The following ZNF415 variants were observed in gnomAD, a reference collection of about 807,000 sequenced individuals.
The protein encoded by ZNF415 is zinc finger protein 415.
ZNF415 carries 5 observed loss-of-function variants against 7.3 expected under a neutral mutation model. The ratio of observed to expected loss-of-function variants is 0.69; its 90% CI spans 0.36 to 1.44. ZNF415 has a LOEUF of 1.44. Ranked by LOEUF, ZNF415 falls within the 40% of genes most tolerant of loss-of-function variation. The pLI is 0.04. For synonymous variants in ZNF415, 207 were observed against 226.3 expected (o/e 0.91, Z 0.77); for missense variants, 628 against 664.8 (o/e 0.94, Z 0.61).
chr19:53,125,650 A>T (rs894133476), intron 1 of ZNF415, among the ~76,000 whole-genome samples: 2 of 151,846 alleles, frequency 1.3e-5, no homozygotes, highest in African/African-American at 4.8e-5. Context: ...CTATCATTTT[A>T]AAAATAAACT....
intron 1 of ZNF415, among the ~76,000 whole-genome samples, chr19:53,131,987 C>A (rs951157289): frequency 1.3e-5 from 2 of 152,084 alleles, no homozygotes; most frequent in Admixed American, 6.6e-5. Context: ...TCTGCTCTCC[C>A]CCACTCTCTG....
chr19:53,127,472 G>C (rs1474299950), intron 1 of ZNF415, among the ~76,000 whole-genome samples: 2 of 152,140 alleles, frequency 1.3e-5, no homozygotes, highest in Non-Finnish European at 2.9e-5. Context: ...TACCACCAAA[G>C]CCTACCAATA....
chr19:53,128,570 C>G, intron 1 of ZNF415, among the ~76,000 whole-genome samples: 1 of 110,886 alleles, frequency 9.0e-6, no homozygotes, highest in Non-Finnish European at 2.0e-5. Flanking sequence ...GGCAAAGCCC[C>G]TGCCCAGGAT....
At chr19:53,111,331 A>G (rs1000801155) in intron 3 of ZNF415, among the ~76,000 whole-genome samples, 1 of 139,230 alleles carries the variant, frequency 7.2e-6, no homozygotes, top group African/African-American at 2.6e-5. Flanking sequence ...CTCCTAGCCT[A>G]TGATATTTCT....
intron 1 of ZNF415, among the ~76,000 whole-genome samples, chr19:53,128,136 A>T (rs2089508021): frequency 6.6e-6 from 1 of 151,282 alleles, no homozygotes; most frequent in Non-Finnish European, 1.5e-5. Context: ...ACTTTCCCTC[A>T]TTTTTCTACT....
At chr19:53,120,510 G>A (rs1464359065) in intron 2 of ZNF415, among the ~76,000 whole-genome samples, 3 of 152,046 alleles carry the variant, frequency 2.0e-5, no homozygotes, top group African/African-American at 7.2e-5. Context: ...GAGGGTGTAA[G>A]GCTTGACAGG....
intron 1 of ZNF415, among the ~76,000 whole-genome samples, chr19:53,125,490 A>T (rs528047687): frequency 6.6e-5 from 10 of 151,924 alleles, no homozygotes; most frequent in South Asian, 4.1e-4. Context: ...GGCACGAGCC[A>T]CCACATCTGG....
chr19:53,116,048 C>G, intron 3 of ZNF415: 1 of 614,206 alleles, frequency 1.6e-6, no homozygotes, highest in Non-Finnish European at 2.8e-6. Flanking sequence ...GGGCAGAAAA[C>G]AAGAAGTGAG....
At position 53,108,479 on chromosome 19, in the gene ZNF415, T is replaced by C; in HGVS notation, c.1566A>G (p.Lys522=). 6.2e-7 allele frequency: 1 copy of C among 1,614,194 alleles called. No individual in the cohort carries two copies. Residue 522 remains lysine, a synonymous_variant, in exon 4 of 4, where the codon AAA becomes AAG. Coordinates refer to ENST00000243643, the MANE Select transcript of ZNF415 (RefSeq NM_018355.4). ...TCCCACAATCACTACATTTGTAAGGTTTCTTTCCAGTATGGATTATCTGAT... is the reference window on the plus strand; with the variant it reads ...TCCCACAATCACTACATTTGTAAGGCTTCTTTCCAGTATGGATTATCTGAT... ...TRHQIIHTGK[K]PYKCSDCGKS...
At chr19:53,125,386 G>A (rs1457534458) in intron 1 of ZNF415, among the ~76,000 whole-genome samples, 1 of 151,174 alleles carries the variant, frequency 6.6e-6, no homozygotes, top group Non-Finnish European at 1.5e-5. Context: ...CCAGGCTAGA[G>A]TGCAGTGATG....
chr19:53,108,345 G>A lies in ZNF415; in HGVS notation c.*32C>T. On this transcript the variant is annotated 3_prime_UTR_variant, in exon 4 of 4. Coordinates refer to ENST00000243643, the MANE Select transcript of ZNF415 (RefSeq NM_018355.4). ...GATATAAATTCTTTGATGACTCACA[G>A]GATTTAAACTTTGACTGAAGACCTT... The A allele has an allele frequency of 6.4e-7, 1 of 1,556,174 alleles. No individual in the cohort carries two copies. The highest frequency in any genetic ancestry group is 8.7e-7 in the Non-Finnish European group (1 of 1,154,024).
chr19:53,109,593 T>G lies in ZNF415; in HGVS notation c.452A>C (p.Gln151Pro). The change falls in exon 4 of 4, where the codon CAG becomes CCG. Residue 151 changes from glutamine to proline, a missense_variant. Transcript: ENST00000243643. ...AATTTTCCCTTCAGCTTGAAACTGC[T>G]GCAGTTCATGGGGATGTGGTAGAAA... ...LSFLPHPHEL[Q>P]QFQAEGKIYE... 1 of 1,614,170 alleles carries G rather than the reference T, an allele frequency of 6.2e-7. No homozygotes were observed. The highest frequency in any genetic ancestry group is 8.5e-7 in the Non-Finnish European group (1 of 1,180,014).
Position 53,115,323 on chromosome 19 carries a change from G to A in ZNF415, c.136+990C>T, listed in dbSNP as rs564961098. ...GCACTCCAGCCTGGGCAATAAGAGC[G>A]AAACTCCATCTCAAAAAAAAAAGAA... On this transcript the variant is annotated intron_variant, in intron 3 of 3. Transcript: ENST00000243643. The A allele has an allele frequency of 3.4e-4, 66 of 193,522 alleles. 1 individual carries two copies. In the South Asian group the frequency reaches 5.6e-3, roughly 16 times the overall value. The allele number at this position is 193,522 out of a possible 1,614,324, so 12.0% of individuals were successfully genotyped here. A position where few individuals can be genotyped will look rare whatever the true frequency, so the allele number is the denominator to read the frequency against.
chr19:53,111,346 T>C (rs1190929349), intron 3 of ZNF415, among the ~76,000 whole-genome samples: 7 of 147,518 alleles, frequency 4.7e-5, no homozygotes, highest in African/African-American at 9.9e-5. Context: ...ATTTCTTTTT[T>C]TTTTTTTTTT....
At chr19:53,117,159 C>T (rs979162527) in intron 2 of ZNF415, among the ~76,000 whole-genome samples, 2 of 152,054 alleles carry the variant, frequency 1.3e-5, no homozygotes, top group South Asian at 2.1e-4. Flanking sequence ...AAAGAGAATT[C>T]GGCTGGGCGT....
Position 53,109,439 on chromosome 19 carries a change from T to C in ZNF415, c.606A>G (p.Leu202=), listed in dbSNP as rs550280603. The C allele has an allele frequency of 1.9e-6, 3 of 1,614,054 alleles. No homozygotes were observed. The highest frequency in any genetic ancestry group is 2.5e-6 in the Non-Finnish European group (3 of 1,179,940). The change falls in exon 4 of 4, where the codon TTA becomes TTG. Residue 202 remains leucine (L), a synonymous_variant. Transcript: ENST00000243643. ...TGCATGATTTCTGTTCTTGTGTGAG[T>C]AATGAAGAACAGATGAAATCAGTCC... is the stretch of plus-strand genomic sequence containing the variant. ...KYGTDFICSS[L]LTQEQKSCIR...
At position 53,108,289 on chromosome 19, in the gene ZNF415, C is replaced by G; in HGVS notation, c.*88G>C. ...AGTGAATTGTGACTGAAAACCTTGC[C>G]ACATTTATTATACTTGTATGGTTTC... On this transcript the variant is annotated 3_prime_UTR_variant, in exon 4 of 4. Coordinates refer to ENST00000243643, the MANE Select transcript of ZNF415 (RefSeq NM_018355.4). The G allele has an allele frequency of 7.6e-7, 1 of 1,324,184 alleles. No homozygotes were observed. The highest frequency in any genetic ancestry group is 2.4e-5 in the East Asian group (1 of 42,546). The allele number at this position is 1,324,184 out of a possible 1,614,324, so 82.0% of individuals were successfully genotyped here. A position where few individuals can be genotyped will look rare whatever the true frequency, so the allele number is the denominator to read the frequency against.
intron 1 of ZNF415, among the ~76,000 whole-genome samples, chr19:53,127,835 C>A (rs1256224295): frequency 6.6e-6 from 1 of 150,808 alleles, no homozygotes; most frequent in Admixed American, 6.6e-5. Context: ...CAGGATCGCA[C>A]CACTGCACTC....
At chr19:53,122,332 C>T (rs747466920) in intron 2 of ZNF415, 58 of 1,443,166 alleles carry the variant, frequency 4.0e-5, no homozygotes, top group Admixed American at 2.8e-4. Flanking sequence ...TACGGAGAGC[C>T]GACAGTGCAT....
Sources: allele counts gnomAD v4.1 joint callset (sites outside exome capture counted in the v4.1 genomes callset), GRCh38; gene constraint gnomAD v4.1.1; transcripts MANE v1.5; gene names NCBI Gene and HGNC (gene_info 2026-07-23, HGNC 2026-07-21).